Variants in CACNA1B observed in about 807,000 individuals in gnomAD.
CACNA1B encodes voltage-dependent N-type calcium channel subunit alpha-1B.
In CACNA1B, 70 loss-of-function variants were observed where a neutral mutation model predicts 247.2. The observed-to-expected ratio is 0.28, with a 90% CI of 0.23 to 0.35. The LOEUF (loss-of-function observed/expected upper bound fraction) is 0.35, where lower values mean the gene tolerates loss of function less well. Among genes scored for constraint, CACNA1B ranks in the 10% least tolerant of loss-of-function variants. CACNA1B has a pLI of 1.00. For missense variants in CACNA1B, 2,367 were observed against 3,197.4 expected, an observed-to-expected ratio of 0.74 and a Z score of 6.26; for synonymous variants, 1,231 against 1,294.4, an observed-to-expected ratio of 0.95 and a Z score of 1.05.
chr9:138,067,382 A>G (rs1959957057), intron 31 of CACNA1B, among the ~76,000 whole-genome samples: 1 of 152,262 alleles, frequency 6.6e-6, no homozygotes, highest in Non-Finnish European at 1.5e-5. Flanking sequence ...CTAGACTAGT[A>G]TAATGTTGAC....
chr9:137,899,819 C>T lies in CACNA1B; in HGVS notation c.531-13361C>T, dbSNP rs969575901. Among the ~76,000 whole-genome samples, 4 of 152,172 alleles carry T rather than the reference C, an allele frequency of 2.6e-5. No individual in the cohort carries two copies. Among genetic ancestry groups the T allele is most frequent in the Non-Finnish European group, 5.9e-5 (4 of 68,040 alleles). Reference sequence around the variant, plus strand: ...GACTGGGCCTGACTGGCACCTGACCCACCTGCCCCGGCCCAGGGACCCCCG... The same window carrying T: ...GACTGGGCCTGACTGGCACCTGACCTACCTGCCCCGGCCCAGGGACCCCCG... On this transcript the variant is annotated intron_variant, in intron 3 of 46. Coordinates refer to ENST00000371372, the MANE Select transcript of CACNA1B (RefSeq NM_000718.4). This position sits in a 1 kb window ranked among gnomAD's most constrained non-coding sequence, Gnocchi z 5.0.
At position 137,955,733 on chromosome 9, in the gene CACNA1B, G is replaced by A. The variant is rs1957938589; in HGVS notation, c.1106G>A (p.Arg369His). The A allele has an allele frequency of 1.9e-6, 3 of 1,612,770 alleles. No individual in the cohort carries two copies. Among genetic ancestry groups the A allele is most frequent in the African/African-American group, 1.3e-5 (1 of 74,916 alleles). Residue 369 changes from arginine to histidine, a missense_variant, in exon 8 of 47, where the codon CGC becomes CAC. Arg to His is a conservative substitution (Grantham distance 29). Around this residue, in one of 12 missense-constraint regions of CACNA1B, gnomAD observed 219 missense variants for 297.6 expected, o/e 0.74. Transcript: ENST00000371372. The surrounding 1 kb of genome is among the most constrained non-coding windows in gnomAD (Gnocchi z 6.9). ...FAKERERVEN[R>H]RAFLKLRRQQ... The stretch of plus-strand genomic sequence containing the variant: ...AAGGAGCGAGAGAGGGTGGAGAACC[G>A]CCGCGCCTTCCTGAAGCTGCGCCGG...
intron 39 of CACNA1B, among the ~76,000 whole-genome samples, chr9:138,106,864 A>G (rs567300523): frequency 2.0e-5 from 3 of 152,202 alleles, no homozygotes; most frequent in South Asian, 4.1e-4. Flanking sequence ...CCTTTCCCAC[A>G]TGCTGGGGGC....
In CACNA1B at chr9:138,011,367, C is replaced by T. The variant is rs752159431; in HGVS notation, c.2160+1290C>T. Among the ~76,000 whole-genome samples, 12 of 152,278 alleles carry T rather than the reference C, an allele frequency of 7.9e-5. No individual in the cohort carries two copies. Among genetic ancestry groups the T allele is most frequent in the Middle Eastern group, 3.4e-3 (1 of 294 alleles). On this transcript the variant is annotated intron_variant, in intron 17 of 46. Coordinates refer to ENST00000371372, the MANE Select transcript of CACNA1B (RefSeq NM_000718.4). This position sits in a 1 kb window ranked among gnomAD's most constrained non-coding sequence, Gnocchi z 4.2. Reference sequence around the variant, plus strand: ...CACATACATGTACCCTCATTGGTGGCCCCCCTTTTGTGTAACTGGCCTCAT... The same window carrying T: ...CACATACATGTACCCTCATTGGTGGTCCCCCTTTTGTGTAACTGGCCTCAT...
chr9:138,086,319 G>A lies in CACNA1B; in HGVS notation c.5094+8061G>A, dbSNP rs141439872. ...TCCACGTAAACAGAAACCAAATTGA[G>A]CAGGAGTGCTATACTTACATCAGAC... On this transcript the variant is annotated intron_variant, in intron 36 of 46. Transcript: ENST00000371372. Among the ~76,000 whole-genome samples the A allele has an allele frequency of 2.0e-5, 3 of 151,318 alleles. No homozygotes were observed. In the East Asian group the frequency reaches 6.1e-4, roughly 31 times the overall value.
intron 18 of CACNA1B, among the ~76,000 whole-genome samples, chr9:138,015,711 G>A (rs1325106781): frequency 6.6e-6 from 1 of 152,224 alleles, no homozygotes; most frequent in Non-Finnish European, 1.5e-5. Context: ...CACAGACGGT[G>A]CCAGAACATG....
Position 138,073,648 on chromosome 9 carries a change from C to T in CACNA1B, c.4791+44C>T, listed in dbSNP as rs199595243. ...CTCCATGCTTTCTGTCCCCTTCCTCCGTCTTGCTTCCCCTGCCCCCACCAC... is the reference window on the plus strand; with the variant it reads ...CTCCATGCTTTCTGTCCCCTTCCTCTGTCTTGCTTCCCCTGCCCCCACCAC... On this transcript the variant is annotated intron_variant, in intron 33 of 46. Coordinates refer to ENST00000371372, the MANE Select transcript of CACNA1B (RefSeq NM_000718.4). This position sits in a 1 kb window ranked among gnomAD's most constrained non-coding sequence, Gnocchi z 6.4. 29 of 1,120,976 alleles carry T rather than the reference C, an allele frequency of 2.6e-5. No homozygotes were observed. In the African/African-American group the frequency reaches 2.8e-4, roughly 11 times the overall value. 69.4% of individuals were successfully genotyped at this position (1,120,976 alleles called of 1,614,324 possible).
chr9:137,934,130 C>T (rs545804458), intron 6 of CACNA1B, among the ~76,000 whole-genome samples: 1 of 152,276 alleles, frequency 6.6e-6, no homozygotes, highest in Admixed American at 6.5e-5. Context: ...AGTTGGTAGG[C>T]ATTTACTTAT....
At chr9:137,926,034 G>A (rs532901531) in intron 6 of CACNA1B, among the ~76,000 whole-genome samples, 11 of 144,980 alleles carry the variant, frequency 7.6e-5, no homozygotes, top group East Asian at 2.1e-4. Flanking sequence ...GATTACAGGC[G>A]TGAGCCACTG....
At chr9:137,920,513 C>T (rs1432462788) in intron 6 of CACNA1B, among the ~76,000 whole-genome samples, 1 of 152,224 alleles carries the variant, frequency 6.6e-6, no homozygotes, top group African/African-American at 2.4e-5. Context: ...CTTTCAACTG[C>T]CGAGTTGAAA....
intron 31 of CACNA1B, among the ~76,000 whole-genome samples, chr9:138,066,239 C>T (rs1164329793): frequency 6.6e-6 from 1 of 152,220 alleles, no homozygotes; most frequent in East Asian, 1.9e-4. Flanking sequence ...GCAGCATGGG[C>T]TCCACCTGCA....
At chr9:138,042,051 A>G (rs891925383) in intron 20 of CACNA1B, among the ~76,000 whole-genome samples, 4 of 152,214 alleles carry the variant, frequency 2.6e-5, no homozygotes, top group Non-Finnish European at 5.9e-5. Flanking sequence ...GATTACAGGC[A>G]TGAGCCACCA....
chr9:137,902,001 G>C (rs966382796), intron 3 of CACNA1B, among the ~76,000 whole-genome samples: 1 of 152,116 alleles, frequency 6.6e-6, no homozygotes, highest in Admixed American at 6.5e-5. Context: ...TAAATCATTA[G>C]TTTTAATGTC....
intron 3 of CACNA1B, among the ~76,000 whole-genome samples, chr9:137,885,316 T>A (rs1256359385): frequency 3.9e-5 from 6 of 152,096 alleles, no homozygotes; most frequent in Admixed American, 1.3e-4. Context: ...CGTGAACCCC[T>A]GTGTGCGTAT....
rs1363674316 is a variant in CACNA1B at position 137,880,720 on chromosome 9, A to ACCAGTC, written c.390+1571_390+1576dup. 6.6e-6 allele frequency among the ~76,000 whole-genome samples: 1 copy of ACCAGTC among 152,098 alleles called. No homozygotes were observed. The highest frequency in any genetic ancestry group is 2.4e-5 in the African/African-American group (1 of 41,404). ...AGCCTAGAGGTCTGGGGAGCTCTTG[A>ACCAGTC]CCAGTCCCAGTCCCATGTGCAGGCC... On this transcript the variant is annotated intron_variant, in intron 2 of 46. Transcript: ENST00000371372. This position sits in a 1 kb window ranked among gnomAD's most constrained non-coding sequence, Gnocchi z 4.8.
chr9:137,934,873 T>C (rs893771607), intron 6 of CACNA1B, among the ~76,000 whole-genome samples: 1 of 152,002 alleles, frequency 6.6e-6, no homozygotes, highest in East Asian at 1.9e-4. Flanking sequence ...CCTACCAAAA[T>C]GAGAAGGAAC....
intron 21 of CACNA1B, among the ~76,000 whole-genome samples, chr9:138,044,205 C>T (rs1299746008): frequency 6.6e-6 from 1 of 152,250 alleles, no homozygotes; most frequent in Non-Finnish European, 1.5e-5. Context: ...AACACACTTC[C>T]ATCCATCTGC....
At position 138,102,525 on chromosome 9, in the gene CACNA1B, A is replaced by G; in HGVS notation, c.5223-186A>G. Among the ~76,000 whole-genome samples, 1 of 152,070 alleles carries G rather than the reference A, an allele frequency of 6.6e-6. No homozygotes were observed. The highest frequency in any genetic ancestry group is 1.9e-4 in the East Asian group (1 of 5,176). ...GGGCCAGGAGGGGGTCAAGCCAAGCAGAGAAATCCCTCATTTTATTTATTT... is the reference window on the plus strand; with the variant it reads ...GGGCCAGGAGGGGGTCAAGCCAAGCGGAGAAATCCCTCATTTTATTTATTT... On this transcript the variant is annotated intron_variant, in intron 37 of 46. Transcript: ENST00000371372. The surrounding 1 kb of genome is among the most constrained non-coding windows in gnomAD (Gnocchi z 5.4).
At chr9:137,883,625 G>A (rs1481800352) in intron 3 of CACNA1B, among the ~76,000 whole-genome samples, 3 of 151,276 alleles carry the variant, frequency 2.0e-5, no homozygotes, top group Admixed American at 6.6e-5. Context: ...ACTGGCAGGC[G>A]GAAGGCTGGG....
Sources: allele counts gnomAD v4.1 joint callset (sites outside exome capture counted in the v4.1 genomes callset), GRCh38; gene constraint gnomAD v4.1.1; regional missense constraint gnomAD v4.1.1; non-coding constraint Gnocchi (gnomAD v3.1); transcripts MANE v1.5; gene names NCBI Gene and HGNC (gene_info 2026-07-23, HGNC 2026-07-21).